The following PCDH15 variants were observed in gnomAD, a reference collection of about 807,000 sequenced individuals.
PCDH15 encodes protocadherin related 15.
PCDH15 carries 129 observed loss-of-function variants against 178.5 expected under a neutral mutation model. The ratio of observed to expected loss-of-function variants is 0.72; its 90% CI spans 0.63 to 0.84. The LOEUF is 0.84. PCDH15 is among the 40% of genes least tolerant of loss of function. PCDH15 has a pLI of 0.00. For synonymous variants in PCDH15, 800 were observed against 732.0 expected (o/e 1.09, Z -1.50); for missense variants, 2,230 against 2,099.9 (o/e 1.06, Z -1.21).
At chr10:54,187,232 T>C (rs2048552021) in intron 11 of PCDH15, among the ~76,000 whole-genome samples, 1 of 151,970 alleles carries the variant, frequency 6.6e-6, no homozygotes, top group Admixed American at 6.6e-5. Context: ...TCTACTTCCT[T>C]TATACCTTAA....
chr10:54,594,732 T>C (rs1020753452), intron 2 of PCDH15, among the ~76,000 whole-genome samples: 5 of 152,174 alleles, frequency 3.3e-5, no homozygotes, highest in African/African-American at 1.2e-4. Context: ...ACATGTACCA[T>C]GCCATGCCAT....
At chr10:55,276,376 G>A (rs1199118175) in intron 1 of PCDH15, among the ~76,000 whole-genome samples, 1 of 150,862 alleles carries the variant, frequency 6.6e-6, no homozygotes, top group Admixed American at 6.6e-5. Context: ...TGGACTTTAT[G>A]AATTTATGGA....
At chr10:54,925,998 G>T (rs1410341886) in intron 2 of PCDH15, among the ~76,000 whole-genome samples, 1 of 152,134 alleles carries the variant, frequency 6.6e-6, no homozygotes, top group African/African-American at 2.4e-5. Flanking sequence ...AATAGGAGTA[G>T]TGAAAGAAGG....
intron 2 of PCDH15, among the ~76,000 whole-genome samples, chr10:54,634,190 C>T (rs924908825): frequency 6.7e-6 from 1 of 148,408 alleles, no homozygotes; most frequent in Non-Finnish European, 1.5e-5. Flanking sequence ...AAATCTTGCA[C>T]TGCTTTCTAT....
chr10:55,597,170 C>T (rs1347074975), intron 2 of PCDH15: 1 of 152,182 alleles, frequency 6.6e-6, no homozygotes. Flanking sequence ...CTTGAATATT[C>T]TGAGTCAACA....
chr10:54,779,486 A>ATG (rs1163685725), intron 1 of PCDH15, among the ~76,000 whole-genome samples: 44 of 13,470 alleles, frequency 3.3e-3, no homozygotes, highest in South Asian at 6.8e-3. Context: ...ACACATATAT[A>ATG]TGTATATATA....
At chr10:55,458,359 A>T (rs775895505) in intron 2 of PCDH15, among the ~76,000 whole-genome samples, 1 of 152,076 alleles carries the variant, frequency 6.6e-6, no homozygotes, top group Non-Finnish European at 1.5e-5. Flanking sequence ...ATACAGTGAA[A>T]GAGTTAACCC....
At chr10:54,349,611 C>A (rs1470303641) in intron 5 of PCDH15, among the ~76,000 whole-genome samples, 1 of 152,048 alleles carries the variant, frequency 6.6e-6, no homozygotes, top group African/African-American at 2.4e-5. Flanking sequence ...TTTTTCCATG[C>A]AGAAATCACA....
At chr10:55,307,160 A>G (rs1363873522) in intron 1 of PCDH15, among the ~76,000 whole-genome samples, 1 of 152,000 alleles carries the variant, frequency 6.6e-6, no homozygotes, top group Non-Finnish European at 1.5e-5. Context: ...TATTTTAAAA[A>G]TTATATAAGG....
At chr10:55,171,222 T>G (rs935990811) in intron 1 of PCDH15, among the ~76,000 whole-genome samples, 2 of 152,216 alleles carry the variant, frequency 1.3e-5, no homozygotes, top group Non-Finnish European at 2.9e-5. Flanking sequence ...TCTGTAGTCA[T>G]GTCAAAATTA....
intron 2 of PCDH15, among the ~76,000 whole-genome samples, chr10:55,060,856 T>C (rs539191122): frequency 1.4e-3 from 208 of 152,114 alleles, no homozygotes; most frequent in African/African-American, 4.6e-3. Context: ...CATATAGTTA[T>C]GGAGTAACTG....
chr10:55,355,284 T>C (rs1845046957), intron 2 of PCDH15, among the ~76,000 whole-genome samples: 4 of 152,082 alleles, frequency 2.6e-5, no homozygotes, highest in Admixed American at 2.6e-4. Context: ...GAAGATTGGA[T>C]TGCTCGGTCA....
At chr10:55,011,893 T>C (rs1302491246) in intron 2 of PCDH15, among the ~76,000 whole-genome samples, 1 of 152,088 alleles carries the variant, frequency 6.6e-6, no homozygotes, top group Non-Finnish European at 1.5e-5. Context: ...AACATACTAA[T>C]AGAGACATAG....
chr10:55,310,144 CTTAT>C (rs1197152683), intron 1 of PCDH15, among the ~76,000 whole-genome samples: 1 of 152,090 alleles, frequency 6.6e-6, no homozygotes, highest in Non-Finnish European at 1.5e-5. Context: ...ATTCAAAACA[CTTAT>C]TTGTTTTTTT....
intron 2 of PCDH15, among the ~76,000 whole-genome samples, chr10:55,375,059 C>G (rs1845587255): frequency 6.6e-6 from 1 of 152,112 alleles, no homozygotes; most frequent in Non-Finnish European, 1.5e-5. Flanking sequence ...CAGTTCCTCA[C>G]CACATATATG....
At chr10:55,498,476 T>G (rs117511563) in intron 2 of PCDH15, among the ~76,000 whole-genome samples, 1,746 of 151,948 alleles carry the variant, frequency 0.011, 9 homozygotes, top group South Asian at 0.021. Context: ...ATCAAGACAC[T>G]TTAAAATGAG....
intron 10 of PCDH15, among the ~76,000 whole-genome samples, chr10:54,200,357 G>A (rs1591126156): frequency 7.2e-6 from 1 of 139,266 alleles, no homozygotes; most frequent in Non-Finnish European, 1.5e-5. Context: ...CACGTCCCAT[G>A]GTGGTTTGCT....
chr10:55,230,219 G>A (rs1050905975), intron 1 of PCDH15, among the ~76,000 whole-genome samples: 3 of 151,938 alleles, frequency 2.0e-5, no homozygotes, highest in Non-Finnish European at 4.4e-5. Flanking sequence ...ATTTGGAATA[G>A]AGTTATTAAT....
At chr10:54,730,761 A>T (rs1307352160) in intron 1 of PCDH15, among the ~76,000 whole-genome samples, 1 of 151,532 alleles carries the variant, frequency 6.6e-6, no homozygotes, top group Non-Finnish European at 1.5e-5. Context: ...AATCAAATAA[A>T]AATAAAGACT....
Sources: gnomAD v4.1 joint callset for allele counts (sites outside exome capture counted in the v4.1 genomes callset) on GRCh38, gnomAD v4.1.1 for gene constraint, MANE v1.5 for transcripts, NCBI Gene and HGNC (gene_info 2026-07-23, HGNC 2026-07-21) for gene names.